The following TIMM44 variants were observed in gnomAD, a reference collection of about 807,000 sequenced individuals.
TIMM44 encodes mitochondrial import inner membrane translocase subunit TIM44.
TIMM44 carries 37 observed loss-of-function variants against 63.8 expected under a neutral mutation model. That is an observed-to-expected ratio of 0.58 (90% CI 0.45 to 0.76). The LOEUF (loss-of-function observed/expected upper bound fraction) is 0.76. TIMM44 is among the 30% of genes least tolerant of loss of function. The pLI is 0.00. For synonymous variants in TIMM44, 239 were observed against 245.1 expected (o/e 0.98, Z 0.23); for missense variants, 573 against 603.8 (o/e 0.95, Z 0.54).
intron 9 of TIMM44, 64 bp downstream of exon 9, chr19:7,932,562 CG>C: frequency 6.4e-7 from 1 of 1,567,386 alleles, no homozygotes; most frequent in Non-Finnish European, 8.6e-7. Flanking sequence ...GTGCCGGCTG[CG>C]GCGGGGGAGG....
rs1599653582 is a variant in TIMM44 at position 7,943,227 on chromosome 19, G to A, written c.45+380C>T. 6.6e-6 allele frequency among the ~76,000 whole-genome samples: 1 copy of A among 152,016 alleles called. No individual in the cohort carries two copies. Among genetic ancestry groups the A allele is most frequent in the African/African-American group, 2.4e-5 (1 of 41,372 alleles). ...AAGAAACGAGACAAGAAATGCTCTC[G>A]GTAGAGAACTTGGCATTTAACCGCG... On this transcript the variant is annotated intron_variant, in intron 1 of 12. Coordinates refer to ENST00000270538, the MANE Select transcript of TIMM44 (RefSeq NM_006351.4). This position sits in a 1 kb window ranked among gnomAD's most constrained non-coding sequence, Gnocchi z 4.3.
At chr19:7,937,465 C>T (rs905999914) in intron 3 of TIMM44, among the ~76,000 whole-genome samples, 4 of 152,190 alleles carry the variant, frequency 2.6e-5, no homozygotes, top group Admixed American at 1.3e-4. Context: ...ACTGCTCATC[C>T]ACTCCCAGGA....
rs764339222 is a variant in TIMM44 at position 7,928,101 on chromosome 19, G to A, written c.1104C>T (p.Arg368=). ...CGTCGACGTTGTCAATGTCTAGGAT[G>A]CGAGAATGGAACTGGAGACCCAGTG... is the stretch of plus-strand genomic sequence containing the variant. The part of the protein sequence containing the change: ...AKALGLQFHS[R]ILDIDNVDLA... The change falls in exon 11 of 13, where the codon CGC becomes CGT. Residue 368 remains arginine, a synonymous_variant. Transcript: ENST00000270538. The A allele has an allele frequency of 3.1e-6, 5 of 1,614,080 alleles. No homozygotes were observed. The highest frequency in any genetic ancestry group is 2.2e-5 in the East Asian group (1 of 44,880).
rs199771603 is a variant in TIMM44 at position 7,932,819 on chromosome 19, G to A, written c.862+21C>T. On this transcript the variant is annotated intron_variant, in intron 8 of 12. Coordinates refer to ENST00000270538, the MANE Select transcript of TIMM44 (RefSeq NM_006351.4). ...CCCCGCCCCACCACCAGCCTGCGAGGTCCAGGGATGACTCACTCACCCAGC... is the reference window on the plus strand; with the variant it reads ...CCCCGCCCCACCACCAGCCTGCGAGATCCAGGGATGACTCACTCACCCAGC... 38 of 1,614,144 alleles carry A rather than the reference G, an allele frequency of 2.4e-5. 1 individual carries two copies. In the South Asian group the frequency reaches 3.8e-4, roughly 16 times the overall value.
At chr19:7,941,073 T>C (rs938394579) in intron 2 of TIMM44, 29 bp downstream of exon 2, 2 of 1,597,096 alleles carry the variant, frequency 1.3e-6, no homozygotes, top group South Asian at 2.2e-5. Context: ...CCCCTGTGTC[T>C]GCTGGCCCGA....
chr19:7,935,120 C>T lies in TIMM44; in HGVS notation c.338G>A (p.Arg113Gln), dbSNP rs774466905. 4.9e-5 allele frequency: 79 copies of T among 1,613,478 alleles called. No homozygotes were observed. Among genetic ancestry groups the T allele is most frequent in the Middle Eastern group, 3.3e-4 (2 of 6,084 alleles). ...KYKTIESETV[R>Q]TSEVLRKKLG... ...CTTCTTCCGTAGCACCTCGCTCGTC[C>T]GCACGGTTTCTGACTCGATGGTTTT... is the stretch of plus-strand genomic sequence containing the variant. The change falls in exon 4 of 13, where the codon CGG (arginine) becomes CAG (glutamine). Residue 113 changes from arginine to glutamine, a missense_variant. Transcript: ENST00000270538.
rs201144397 is a variant in TIMM44 at position 7,934,029 on chromosome 19, G to A, written c.544-26C>T. The A allele has an allele frequency of 6.2e-7, 1 of 1,613,720 alleles. No individual in the cohort carries two copies. Among genetic ancestry groups the A allele is most frequent in the Admixed American group, 1.7e-5 (1 of 60,022 alleles). On this transcript the variant is annotated intron_variant, in intron 5 of 12. Transcript: ENST00000270538. This position sits in a 1 kb window ranked among gnomAD's most constrained non-coding sequence, Gnocchi z 5.3. Reference sequence around the variant, plus strand: ...CTGCGAGGGAGGCACAGCGGGGCTGGGGTGGGTGTCTGGGTTCGGCCGCCC... The same window carrying A: ...CTGCGAGGGAGGCACAGCGGGGCTGAGGTGGGTGTCTGGGTTCGGCCGCCC...
chr19:7,928,491 T>C, intron 10 of TIMM44: 1 of 355,330 alleles, frequency 2.8e-6, no homozygotes, highest in Non-Finnish European at 5.3e-6. Context: ...TCTTTAATAC[T>C]TCCATATTCG....
At chr19:7,931,333 G>C in intron 9 of TIMM44, 145 bp from the exon 10 acceptor site, 1 of 753,404 alleles carries the variant, frequency 1.3e-6, no homozygotes, top group South Asian at 1.4e-5. Context: ...GGGTGGAGCT[G>C]TGGCACTGGG....
At chr19:7,932,165 A>G (rs1183801019) in intron 9 of TIMM44, 1 of 196,380 alleles carries the variant, frequency 5.1e-6, no homozygotes, top group African/African-American at 2.4e-5. Flanking sequence ...CTTGAGCAAG[A>G]TACCCTCATC....
At chr19:7,942,407 T>C (rs916769570) in intron 1 of TIMM44, among the ~76,000 whole-genome samples, 2 of 151,124 alleles carry the variant, frequency 1.3e-5, no homozygotes, top group Admixed American at 6.6e-5. Context: ...CTGGGCAACA[T>C]AGCTAGACCC....
chr19:7,940,206 C>G (rs1236501494), intron 2 of TIMM44, among the ~76,000 whole-genome samples: 1 of 151,838 alleles, frequency 6.6e-6, no homozygotes, highest in Non-Finnish European at 1.5e-5. Context: ...GCACCCCAGC[C>G]TGGGCCACAG....
Position 7,943,515 on chromosome 19 carries a change from C to G in TIMM44, c.45+92G>C. ...CTTTCTAAGGAGCCCAAGCAAGGGT[C>G]GCGAAGGCCAAGGGTCTGAGAAGAA... is the stretch of plus-strand genomic sequence containing the variant. On this transcript the variant is annotated intron_variant, in intron 1 of 12. Transcript: ENST00000270538. This position sits in a 1 kb window ranked among gnomAD's most constrained non-coding sequence, Gnocchi z 4.3. The G allele has an allele frequency of 7.0e-7, 1 of 1,429,318 alleles. No homozygotes were observed. The highest frequency in any genetic ancestry group is 9.5e-7 in the Non-Finnish European group (1 of 1,049,348). The allele number at this position is 1,429,318 out of a possible 1,614,324, so 88.5% of individuals were successfully genotyped here. A position where few individuals can be genotyped will look rare whatever the true frequency, so the allele number is the denominator to read the frequency against.
intron 2 of TIMM44, among the ~76,000 whole-genome samples, chr19:7,938,586 C>T (rs1024541778): frequency 3.9e-5 from 6 of 152,140 alleles, no homozygotes; most frequent in African/African-American, 1.4e-4. Context: ...GCGGGCAGAT[C>T]ACCTGAGGTC....
At chr19:7,935,700 C>A (rs1035303309) in intron 3 of TIMM44, among the ~76,000 whole-genome samples, 1 of 152,222 alleles carries the variant, frequency 6.6e-6, no homozygotes, top group Non-Finnish European at 1.5e-5. Flanking sequence ...CTCCTGAGAA[C>A]AGGAGGCCCA....
Position 7,934,154 on chromosome 19 carries a change from C to A in TIMM44, c.478G>T (p.Ala160Ser). Residue 160 changes from alanine (A) to serine (S), a missense_variant, in exon 5 of 13, where the codon GCC (alanine) becomes TCC (serine). Transcript: ENST00000270538. The surrounding 1 kb of genome is among the most constrained non-coding windows in gnomAD (Gnocchi z 5.3). Reference sequence around the variant, plus strand: ...TCCCCGCCTTTGGATACCGACTCGGCCGACTGCTTGGCCGTCTTGGCTGCT... The same window carrying A: ...TCCCCGCCTTTGGATACCGACTCGGACGACTGCTTGGCCGTCTTGGCTGCT... Reference protein sequence around the residue: ...EEAAKTAKQSAESVSKGGEKL... With the variant: ...EEAAKTAKQSSESVSKGGEKL... 6.2e-7 allele frequency: 1 copy of A among 1,613,498 alleles called. No individual in the cohort carries two copies. Among genetic ancestry groups the A allele is most frequent in the Non-Finnish European group, 8.5e-7 (1 of 1,179,992 alleles).
chr19:7,932,522 C>T (rs944131934), intron 9 of TIMM44, 105 bp downstream of exon 9: 56 of 1,515,178 alleles, frequency 3.7e-5, no homozygotes, highest in Admixed American at 2.1e-4. Context: ...AAAACAGCCT[C>T]GGCAGCAGAG....
At position 7,932,892 on chromosome 19, in the gene TIMM44, G is replaced by A. The variant is rs139986376; in HGVS notation, c.810C>T (p.Asn270=). ...GGGCCCGGGATGCCCGGATGAACGCGTTGTCGCTTTCGTCATACTTCATCT... is the reference window on the plus strand; with the variant it reads ...GGGCCCGGGATGCCCGGATGAACGCATTGTCGCTTTCGTCATACTTCATCT... The part of the protein sequence containing the change: ...EMKMKYDESD[N]AFIRASRALT... Residue 270 remains asparagine (N), a synonymous_variant, in exon 8 of 13, where the codon AAC becomes AAT. Coordinates refer to ENST00000270538, the MANE Select transcript of TIMM44 (RefSeq NM_006351.4). 2.3e-5 allele frequency: 37 copies of A among 1,614,200 alleles called. No individual in the cohort carries two copies. The highest frequency in any genetic ancestry group is 2.0e-4 in the East Asian group (9 of 44,876).
At chr19:7,938,256 G>T in intron 2 of TIMM44, 59 bp from the exon 3 acceptor site, 1 of 1,401,884 alleles carries the variant, frequency 7.1e-7, no homozygotes, top group Admixed American at 2.1e-5. Context: ...AGAATGAAAT[G>T]CCCCACAGAG....
Sources: gnomAD v4.1 joint callset for allele counts (sites outside exome capture counted in the v4.1 genomes callset) on GRCh38, gnomAD v4.1.1 for gene constraint, Gnocchi (gnomAD v3.1) non-coding constraint, MANE v1.5 for transcripts, NCBI Gene and HGNC (gene_info 2026-07-23, HGNC 2026-07-21) for gene names.